AUTS2: variants seen among roughly 807,000 people sequenced by gnomAD.
The protein encoded by AUTS2 is activator of transcription and developmental regulator AUTS2.
AUTS2 carries 17 observed loss-of-function variants against 112.4 expected under a neutral mutation model. The observed-to-expected ratio is 0.15, with a 90% CI of 0.10 to 0.23. The LOEUF is 0.23. Ranked by LOEUF, AUTS2 falls within the 10% of genes least tolerant of loss-of-function variation. The probability of loss-of-function intolerance (pLI) is 1.00; values close to 1 mark genes in which losing one functional copy is unlikely to be tolerated. For missense variants in AUTS2, 1,510 were observed against 1,701.6 expected, an observed-to-expected ratio of 0.89 and a Z score of 1.98; for synonymous variants, 751 against 702.7, an observed-to-expected ratio of 1.07 and a Z score of -1.09.
At chr7:70,618,660 C>A (rs2129536318) in intron 5 of AUTS2, among the ~76,000 whole-genome samples, 1 of 152,218 alleles carries the variant, frequency 6.6e-6, no homozygotes, top group South Asian at 2.1e-4. Context: ...CCCCTCACCC[C>A]ACACACACAT....
chr7:70,206,005 A>C (rs1480104298), intron 4 of AUTS2, among the ~76,000 whole-genome samples: 1 of 152,216 alleles, frequency 6.6e-6, no homozygotes, highest in Non-Finnish European at 1.5e-5. Context: ...TTAGATTCAG[A>C]ATAAAAGGCC....
intron 4 of AUTS2, among the ~76,000 whole-genome samples, chr7:70,364,729 T>C (rs190387903): frequency 5.3e-4 from 80 of 152,284 alleles, no homozygotes; most frequent in African/African-American, 1.8e-3. Context: ...GACTCATTCA[T>C]TATAAAGAAC....
intron 4 of AUTS2, among the ~76,000 whole-genome samples, chr7:70,380,843 A>G (rs1285168293): frequency 2.0e-5 from 3 of 152,250 alleles, no homozygotes; most frequent in Non-Finnish European, 2.9e-5. Flanking sequence ...TCATGACCCA[A>G]CCAAAGAAAT....
intron 1 of AUTS2, among the ~76,000 whole-genome samples, chr7:69,648,229 A>G (rs1303981076): frequency 3.3e-5 from 5 of 152,156 alleles, no homozygotes; most frequent in African/African-American, 1.2e-4. Flanking sequence ...GCACTAACAA[A>G]CTTACAAGAC....
chr7:70,572,780 C>T (rs763107054), intron 5 of AUTS2, among the ~76,000 whole-genome samples: 6 of 152,106 alleles, frequency 3.9e-5, no homozygotes, highest in Admixed American at 6.6e-5. Context: ...TTGTAGGCCA[C>T]GGGCACTGTT....
chr7:70,522,113 A>G (rs1585250970), intron 5 of AUTS2, among the ~76,000 whole-genome samples: 1 of 152,228 alleles, frequency 6.6e-6, no homozygotes, highest in Non-Finnish European at 1.5e-5. Context: ...TCAAGCGAGG[A>G]CAACTCAGTA....
intron 1 of AUTS2, among the ~76,000 whole-genome samples, chr7:69,865,733 G>T (rs760160363): frequency 6.6e-6 from 1 of 151,792 alleles, no homozygotes; most frequent in Admixed American, 6.6e-5. Flanking sequence ...CTGTCTCTTC[G>T]AATTTAGAGA....
At chr7:70,182,009 AG>A (rs1809339734) in intron 4 of AUTS2, among the ~76,000 whole-genome samples, 1 of 148,408 alleles carries the variant, frequency 6.7e-6, no homozygotes, top group African/African-American at 2.5e-5. Context: ...CGTGTTAGCC[AG>A]GATGGTCTCG....
intron 6 of AUTS2, among the ~76,000 whole-genome samples, chr7:70,757,492 G>T (rs893279096): frequency 6.6e-6 from 1 of 152,104 alleles, no homozygotes; most frequent in Admixed American, 6.5e-5. Context: ...TTTCTTAAAG[G>T]TTTGGCCAAC....
chr7:69,892,134 T>TA (rs549214840), intron 1 of AUTS2, among the ~76,000 whole-genome samples: 12 of 150,398 alleles, frequency 8.0e-5, no homozygotes, highest in Non-Finnish European at 1.2e-4. Context: ...TTTGCTTATT[T>TA]AAAAAATTGG....
chr7:70,110,867 T>C (rs1805043084), intron 2 of AUTS2, among the ~76,000 whole-genome samples: 1 of 136,732 alleles, frequency 7.3e-6, no homozygotes, highest in Non-Finnish European at 1.6e-5. Flanking sequence ...TTCTTTTTTT[T>C]TTTTTTTTTT....
chr7:69,681,503 A>G (rs150508608), intron 1 of AUTS2, among the ~76,000 whole-genome samples: 6 of 152,240 alleles, frequency 3.9e-5, no homozygotes, highest in Middle Eastern at 3.4e-3. Context: ...GGGACTGGCT[A>G]ATTATTTTTG....
rs78010889 is a variant in AUTS2, at chr7:70,639,061, C to T, written c.691-59508C>T. ...CATCTTAGCCCTGACTTTTAAAATCCATAACTCTTACAAATGTAAAAAAGT... is the reference window on the plus strand; with the variant it reads ...CATCTTAGCCCTGACTTTTAAAATCTATAACTCTTACAAATGTAAAAAAGT... On this transcript the variant is annotated intron_variant, in intron 5 of 18. Coordinates refer to ENST00000342771, the MANE Select transcript of AUTS2 (RefSeq NM_015570.4). Among the ~76,000 whole-genome samples, 101 of 152,206 alleles carry T rather than the reference C, an allele frequency of 6.6e-4. 4 individuals carry two copies. In the East Asian group the frequency reaches 0.019, roughly 28 times the overall value.
intron 4 of AUTS2, among the ~76,000 whole-genome samples, chr7:70,304,187 G>A (rs1278248516): frequency 6.6e-6 from 1 of 152,138 alleles, no homozygotes; most frequent in Non-Finnish European, 1.5e-5. Flanking sequence ...ATCCCAGTTT[G>A]TCTCACTCCT....
chr7:69,642,743 C>CCTT (rs755920935), intron 1 of AUTS2, among the ~76,000 whole-genome samples: 1 of 152,138 alleles, frequency 6.6e-6, no homozygotes, highest in Non-Finnish European at 1.5e-5. Flanking sequence ...TATACCCACC[C>CCTT]CTTCCCTCAC....
chr7:70,352,706 A>G (rs1247858871), intron 4 of AUTS2, among the ~76,000 whole-genome samples: 2 of 152,198 alleles, frequency 1.3e-5, no homozygotes, highest in African/African-American at 4.8e-5. Flanking sequence ...CAAATGAGAT[A>G]AGCACAGGTG....
chr7:69,606,423 A>ATGTGTGCACGCACC (rs796840989), intron 1 of AUTS2, among the ~76,000 whole-genome samples: 1 of 152,262 alleles, frequency 6.6e-6, no homozygotes, highest in African/African-American at 2.4e-5. Context: ...GTGTTTGTGT[A>ATGTGTGCACGCACC]TGTGTGCACG....
chr7:70,702,565 G>A (rs1809516086), intron 6 of AUTS2, among the ~76,000 whole-genome samples: 2 of 152,340 alleles, frequency 1.3e-5, no homozygotes, highest in East Asian at 1.9e-4. Flanking sequence ...GGGGAGCTGT[G>A]CCCAGCTAAA....
chr7:70,026,712 G>A (rs2129555935), intron 2 of AUTS2, among the ~76,000 whole-genome samples: 1 of 152,274 alleles, frequency 6.6e-6, no homozygotes, highest in South Asian at 2.1e-4. Context: ...TATTTTGAAG[G>A]AAATAGACAT....
Sources: allele counts gnomAD v4.1 joint callset (sites outside exome capture counted in the v4.1 genomes callset), GRCh38; gene constraint gnomAD v4.1.1; transcripts MANE v1.5; gene names NCBI Gene and HGNC (gene_info 2026-07-23, HGNC 2026-07-21).